Variants in VIT observed in about 807,000 individuals in gnomAD.
VIT encodes vitrin.
In VIT, 99 loss-of-function variants were observed where a neutral mutation model predicts 78.0. The observed-to-expected ratio is 1.27, with a 90% confidence interval of 1.08 to 1.50. The LOEUF is 1.50. Among genes scored for constraint, VIT ranks in the 40% most tolerant of loss-of-function variants. The pLI, the probability that VIT is intolerant of heterozygous loss-of-function variation, is 0.00. For synonymous variants in VIT, 374 were observed against 334.3 expected (o/e 1.12, Z -1.29); for missense variants, 1,126 against 875.3 (o/e 1.29, Z -3.61).
chr2:36,720,215 G>A (rs779120596), intron 2 of VIT, among the ~76,000 whole-genome samples: 6 of 152,096 alleles, frequency 3.9e-5, no homozygotes, highest in Non-Finnish European at 8.8e-5. Flanking sequence ...CAAAGGTGGA[G>A]GCATCAAATA....
At chr2:36,790,184 C>T (rs952610710) in intron 12 of VIT, among the ~76,000 whole-genome samples, 14 of 152,164 alleles carry the variant, frequency 9.2e-5, no homozygotes, top group African/African-American at 1.9e-4. Context: ...TACTCAAAGA[C>T]GTTTTGGGTA....
chr2:36,788,873 G>A (rs752302827), intron 12 of VIT, among the ~76,000 whole-genome samples: 2 of 152,212 alleles, frequency 1.3e-5, no homozygotes, highest in African/African-American at 2.4e-5. Flanking sequence ...AAAATGGCGT[G>A]AGAATAGTGT....
intron 3 of VIT, among the ~76,000 whole-genome samples, chr2:36,732,000 C>T (rs546445107): frequency 4.5e-4 from 68 of 152,304 alleles, no homozygotes; most frequent in African/African-American, 1.6e-3. Context: ...TCCACAGCCT[C>T]CTAGGCTGAA....
At chr2:36,730,574 G>A (rs1667139828) in intron 3 of VIT, among the ~76,000 whole-genome samples, 1 of 152,222 alleles carries the variant, frequency 6.6e-6, no homozygotes, top group Non-Finnish European at 1.5e-5. Flanking sequence ...CATTTTGCAA[G>A]CCAGGGAACC....
intron 14 of VIT, among the ~76,000 whole-genome samples, chr2:36,806,163 G>A (rs1371075994): frequency 1.3e-5 from 2 of 152,294 alleles, no homozygotes; most frequent in South Asian, 2.1e-4. Context: ...AGGAGATGTG[G>A]AGCAATGCCT....
At position 36,748,726 on chromosome 2, in the gene VIT, G is replaced by A. The variant is rs190062531; in HGVS notation, c.275+5470G>A. On this transcript the variant is annotated intron_variant, in intron 4 of 15. Transcript: ENST00000379242. The stretch of plus-strand genomic sequence containing the variant: ...CCACAGTTTCTTCACTAACATCTTC[G>A]TCAGGTCCTGTTCAGGACTGAGCTA... Among the ~76,000 whole-genome samples, 106 of 152,198 alleles carry A rather than the reference G, an allele frequency of 7.0e-4. 1 individual carries two copies. Among genetic ancestry groups the A allele is most frequent in the Non-Finnish European group, 1.1e-3 (76 of 68,020 alleles).
Position 36,801,408 on chromosome 2 carries a change from T to A in VIT, c.1162+4T>A, listed in dbSNP as rs760437131. ...AGAGGAGGACTTTCTAATGTAGGTA[T>A]GTGATCCGGATTCAAATTATACTAT... On this transcript the variant is annotated splice_donor_region_variant and intron_variant, in intron 13 of 15. Coordinates refer to ENST00000379242, the MANE Select transcript of VIT (RefSeq NM_053276.4). 1.2e-6 allele frequency: 2 copies of A among 1,601,604 alleles called. No individual in the cohort carries two copies. The highest frequency in any genetic ancestry group is 2.2e-5 in the South Asian group (2 of 90,770).
intron 12 of VIT, among the ~76,000 whole-genome samples, chr2:36,797,864 C>T (rs1030170259): frequency 2.6e-5 from 4 of 152,106 alleles, no homozygotes; most frequent in Non-Finnish European, 5.9e-5. Context: ...CCTGTAGGCG[C>T]CACATATTAT....
chr2:36,712,265 C>A (rs946569275), intron 1 of VIT, among the ~76,000 whole-genome samples: 1 of 152,178 alleles, frequency 6.6e-6, no homozygotes. Flanking sequence ...TTCTAAGATA[C>A]TAGAGTGATT....
intron 3 of VIT, among the ~76,000 whole-genome samples, chr2:36,740,402 T>C (rs1446063464): frequency 1.3e-5 from 2 of 152,234 alleles, no homozygotes; most frequent in Non-Finnish European, 2.9e-5. Flanking sequence ...GCCAGAAAGA[T>C]GCAAATGCCT....
chr2:36,777,134 G>T (rs1000479550), intron 9 of VIT, among the ~76,000 whole-genome samples: 2 of 144,766 alleles, frequency 1.4e-5, no homozygotes, highest in African/African-American at 4.9e-5. Context: ...TAAAAATAAA[G>T]TAAATTAATA....
chr2:36,705,650 A>T (rs1485010104), intron 1 of VIT, among the ~76,000 whole-genome samples: 1 of 152,134 alleles, frequency 6.6e-6, no homozygotes, highest in Non-Finnish European at 1.5e-5. Context: ...TTGCTGCAGG[A>T]TTTTCTCTAA....
intron 14 of VIT, among the ~76,000 whole-genome samples, chr2:36,808,098 C>G (rs1666860899): frequency 6.6e-6 from 1 of 152,194 alleles, no homozygotes; most frequent in South Asian, 2.1e-4. Context: ...TTCTTTAGTC[C>G]TCTCATGCCA....
chr2:36,789,838 G>C (rs755163357), intron 12 of VIT, among the ~76,000 whole-genome samples: 6 of 152,070 alleles, frequency 3.9e-5, no homozygotes, highest in Non-Finnish European at 4.4e-5. Flanking sequence ...ACAAATGACC[G>C]CCTCATCAAG....
chr2:36,744,233 T>C (rs1668004974), intron 4 of VIT, among the ~76,000 whole-genome samples: 1 of 152,202 alleles, frequency 6.6e-6, no homozygotes, highest in Admixed American at 6.5e-5. Flanking sequence ...GTTGGTTCCA[T>C]TGTCTTTGCT....
intron 6 of VIT, among the ~76,000 whole-genome samples, chr2:36,761,633 G>A (rs948838867): frequency 3.3e-5 from 5 of 152,096 alleles, no homozygotes; most frequent in Non-Finnish European, 5.9e-5. Context: ...CCAGCTACTC[G>A]GGAGGCTGAG....
At chr2:36,741,636 G>A (rs1239920473) in intron 3 of VIT, among the ~76,000 whole-genome samples, 4 of 152,156 alleles carry the variant, frequency 2.6e-5, no homozygotes, top group Non-Finnish European at 5.9e-5. Context: ...ACCATCTCAG[G>A]AACCCAGTTA....
At chr2:36,806,755 G>C (rs1227954390) in intron 14 of VIT, among the ~76,000 whole-genome samples, 1 of 151,990 alleles carries the variant, frequency 6.6e-6, no homozygotes, top group Non-Finnish European at 1.5e-5. Context: ...AGTAGAGATG[G>C]GGTTTCACCA....
At chr2:36,804,165 C>T (rs1385817114) in intron 13 of VIT, among the ~76,000 whole-genome samples, 1 of 152,198 alleles carries the variant, frequency 6.6e-6, no homozygotes, top group East Asian at 1.9e-4. Context: ...ATGGCTGCTG[C>T]ACTCAGCTGA....
Sources: allele counts gnomAD v4.1 joint callset (sites outside exome capture counted in the v4.1 genomes callset), GRCh38; gene constraint gnomAD v4.1.1; transcripts MANE v1.5; gene names NCBI Gene and HGNC (gene_info 2026-07-23, HGNC 2026-07-21).